The following RANBP17 variants were observed in gnomAD, a reference collection of about 807,000 sequenced individuals.
RANBP17 encodes the protein RAN binding protein 17, also known as ran-binding protein 17.
A neutral mutation model predicts 141.2 loss-of-function variants in RANBP17; 158 were observed. That is an observed-to-expected ratio of 1.12 (90% confidence interval 0.98 to 1.28). The LOEUF (loss-of-function observed/expected upper bound fraction) is 1.28, where lower values mean the gene tolerates loss of function less well. RANBP17 is among the 50% of genes most tolerant of loss of function. RANBP17 has a pLI of 0.00. For missense variants in RANBP17, 1,438 were observed against 1,290.7 expected (o/e 1.11, Z -1.75); for synonymous variants, 430 against 450.0 (o/e 0.96, Z 0.56).
At chr5:171,056,399 A>C (rs1174700206) in intron 14 of RANBP17, among the ~76,000 whole-genome samples, 3 of 152,192 alleles carry the variant, frequency 2.0e-5, no homozygotes, top group African/African-American at 7.2e-5. Flanking sequence ...GGGCAGCCAC[A>C]GTCAAAAACA....
At chr5:170,970,035 T>G (rs1355174175) in intron 14 of RANBP17, among the ~76,000 whole-genome samples, 1 of 152,012 alleles carries the variant, frequency 6.6e-6, no homozygotes, top group African/African-American at 2.4e-5. Context: ...TCAGAAGTCC[T>G]TAATTATGTG....
chr5:171,297,752 A>G (rs568485731), intron 27 of RANBP17, among the ~76,000 whole-genome samples: 2 of 151,528 alleles, frequency 1.3e-5, no homozygotes, highest in African/African-American at 4.8e-5. Context: ...AATGAGAGTA[A>G]TAGGCAGTGA....
intron 14 of RANBP17, among the ~76,000 whole-genome samples, chr5:171,094,980 G>A (rs1167837657): frequency 6.6e-6 from 1 of 152,118 alleles, no homozygotes; most frequent in African/African-American, 2.4e-5. Flanking sequence ...TCCAATCCCT[G>A]GTGCCTCTCT....
At chr5:171,241,696 T>C (rs1294524635) in intron 23 of RANBP17, among the ~76,000 whole-genome samples, 1 of 152,190 alleles carries the variant, frequency 6.6e-6, no homozygotes, top group African/African-American at 2.4e-5. Flanking sequence ...AAAGAGTTAC[T>C]TCACTACAGT....
intron 12 of RANBP17, among the ~76,000 whole-genome samples, chr5:170,938,847 AAGAT>A (rs765841715): frequency 3.9e-4 from 60 of 152,296 alleles, no homozygotes; most frequent in Non-Finnish European, 6.8e-4. Flanking sequence ...GAGTCCCAGA[AAGAT>A]AGAATAGAGG....
intron 25 of RANBP17, among the ~76,000 whole-genome samples, chr5:171,279,056 C>T (rs1213680865): frequency 3.3e-5 from 5 of 152,084 alleles, no homozygotes; most frequent in Non-Finnish European, 1.5e-5. Context: ...ATTTTGAAGC[C>T]ATATCACTGA....
rs371831920 is a variant in RANBP17 at position 171,247,209 on chromosome 5, G to T, written c.2776+4389G>T. Among the ~76,000 whole-genome samples the T allele has an allele frequency of 7.7e-4, 117 of 152,272 alleles. 1 individual carries two copies. In the East Asian group the frequency reaches 0.018, roughly 24 times the overall value. On this transcript the variant is annotated intron_variant, in intron 24 of 27. Transcript: ENST00000523189. ...TACCCTGCTAGATCTACCTGATAAA[G>T]GTCACAGCTTTGACAGCTAGAGGCC... is the stretch of plus-strand genomic sequence containing the variant.
Position 171,171,230 on chromosome 5 carries a change from A to G in RANBP17, c.1809A>G (p.Gly603=). ...TKIVTNLKYW[G]RYEPVISRTL... ...GTGTTACAAACCTTAAATACTGGGG[A>G]AGATATGAGCCTGTAATTTCAAGGA... is the stretch of plus-strand genomic sequence containing the variant. Residue 603 remains glycine, a synonymous_variant, in exon 16 of 28, where the codon GGA becomes GGG. Transcript: ENST00000523189. 2.5e-6 allele frequency: 4 copies of G among 1,593,290 alleles called. No homozygotes were observed. Among genetic ancestry groups the G allele is most frequent in the Non-Finnish European group, 3.4e-6 (4 of 1,167,184 alleles).
At chr5:171,033,530 A>G (rs1781681970) in intron 14 of RANBP17, among the ~76,000 whole-genome samples, 1 of 152,100 alleles carries the variant, frequency 6.6e-6, no homozygotes, top group Admixed American at 6.6e-5. Flanking sequence ...TTTAGAGGTT[A>G]TTGTTGCTTT....
At chr5:170,929,719 C>T (rs1773194140) in intron 12 of RANBP17, among the ~76,000 whole-genome samples, 2 of 152,132 alleles carry the variant, frequency 1.3e-5, no homozygotes, top group South Asian at 4.1e-4. Context: ...ATACTGGCTT[C>T]ATAAAATGAG....
chr5:171,224,080 C>T (rs1464342413), intron 22 of RANBP17, among the ~76,000 whole-genome samples: 1 of 152,172 alleles, frequency 6.6e-6, no homozygotes, highest in Non-Finnish European at 1.5e-5. Flanking sequence ...GCCTCTCCTT[C>T]CAAAGCCTTT....
At chr5:171,184,624 C>G (rs919275865) in intron 18 of RANBP17, among the ~76,000 whole-genome samples, 1 of 152,042 alleles carries the variant, frequency 6.6e-6, no homozygotes, top group African/African-American at 2.4e-5. Flanking sequence ...GGGTTCTCAC[C>G]ACAAAAATGG....
intron 14 of RANBP17, among the ~76,000 whole-genome samples, chr5:171,076,589 G>A (rs1784938939): frequency 1.3e-5 from 2 of 152,164 alleles, no homozygotes; most frequent in African/African-American, 4.8e-5. Flanking sequence ...GGAATACCTT[G>A]TTATACCAAA....
intron 25 of RANBP17, among the ~76,000 whole-genome samples, chr5:171,277,443 A>G (rs1011733236): frequency 3.3e-5 from 5 of 151,282 alleles, no homozygotes; most frequent in African/African-American, 1.2e-4. Context: ...TTGAAGACCT[A>G]AGCATTTCCT....
intron 5 of RANBP17, among the ~76,000 whole-genome samples, chr5:170,905,430 CATT>C (rs1770998940): frequency 6.6e-6 from 1 of 152,058 alleles, no homozygotes; most frequent in Non-Finnish European, 1.5e-5. Context: ...TTTGGAGTAA[CATT>C]ATAGCCATGT....
chr5:170,966,378 G>C (rs954295900), intron 13 of RANBP17, among the ~76,000 whole-genome samples: 4 of 152,142 alleles, frequency 2.6e-5, no homozygotes, highest in African/African-American at 9.7e-5. Context: ...GGAATGCAAG[G>C]CTGGTTCAAT....
intron 3 of RANBP17, among the ~76,000 whole-genome samples, chr5:170,885,624 T>C (rs1377787352): frequency 6.6e-6 from 1 of 152,232 alleles, no homozygotes; most frequent in Non-Finnish European, 1.5e-5. Flanking sequence ...GGAACAATTC[T>C]TAAACTGATT....
At chr5:170,936,694 A>G (rs1398576162) in intron 12 of RANBP17, among the ~76,000 whole-genome samples, 1 of 152,114 alleles carries the variant, frequency 6.6e-6, no homozygotes, top group Non-Finnish European at 1.5e-5. Context: ...AAGAATATGT[A>G]TTTTGCTATT....
chr5:171,204,906 C>T (rs541537721), intron 19 of RANBP17, among the ~76,000 whole-genome samples: 1 of 152,222 alleles, frequency 6.6e-6, no homozygotes, highest in African/African-American at 2.4e-5. Flanking sequence ...TGATAAATTG[C>T]CTTGCCTTAA....
Sources: gnomAD v4.1 joint callset for allele counts (sites outside exome capture counted in the v4.1 genomes callset) on GRCh38, gnomAD v4.1.1 for gene constraint, MANE v1.5 for transcripts, NCBI Gene and HGNC (gene_info 2026-07-23, HGNC 2026-07-21) for gene names.